The following ZP3 variants were observed in gnomAD, a reference collection of about 807,000 sequenced individuals.
ZP3 encodes the protein zona pellucida glycoprotein 3, also known as zona pellucida sperm-binding protein 3.
In ZP3, 21 loss-of-function variants were observed where a neutral mutation model predicts 35.6. The ratio of observed to expected loss-of-function variants is 0.59; its 90% CI spans 0.42 to 0.85. ZP3 has a LOEUF of 0.85. Among genes scored for constraint, ZP3 ranks in the 40% least tolerant of loss-of-function variants. The pLI, the probability that ZP3 is intolerant of heterozygous loss-of-function variation, is 0.00. For synonymous variants in ZP3, 207 were observed against 214.5 expected, an observed-to-expected ratio of 0.96 and a Z score of 0.31; for missense variants, 437 against 536.5, an observed-to-expected ratio of 0.81 and a Z score of 1.83.
chr7:76,426,128 G>A (rs1409013399), intron 1 of ZP3, among the ~76,000 whole-genome samples: 1 of 151,982 alleles, frequency 6.6e-6, no homozygotes, highest in Non-Finnish European at 1.5e-5. Context: ...ATGGGGGCGG[G>A]GGCATCATAA....
chr7:76,439,402 A>G (rs1159484872), intron 5 of ZP3, among the ~76,000 whole-genome samples: 2 of 151,988 alleles, frequency 1.3e-5, no homozygotes, highest in Admixed American at 6.6e-5. Context: ...GGGTTTAGCA[A>G]TGCTGAGTTA....
chr7:76,421,081 G>A (rs887373629), upstream of ZP3, among the ~76,000 whole-genome samples: 2 of 151,834 alleles, frequency 1.3e-5, no homozygotes, highest in Non-Finnish European at 2.9e-5. Flanking sequence ...GATTATAGGC[G>A]TGTGCCACCA....
Position 76,433,957 on chromosome 7 carries a change from C to T in ZP3, c.714-81C>T. The T allele has an allele frequency of 4.7e-6, 5 of 1,067,486 alleles. 1 individual carries two copies. Among genetic ancestry groups the T allele is most frequent in the Non-Finnish European group, 4.0e-6 (3 of 741,102 alleles). 66.1% of individuals were successfully genotyped at this position (1,067,486 alleles called of 1,614,324 possible). On this transcript the variant is annotated intron_variant, in intron 4 of 7. Transcript: ENST00000394857. ...CAAGTGATCCACCCACCTTGGCCTC[C>T]CAAAGTGCTGGGATTATGGGCGTGA...
intron 3 of ZP3, 94 bp downstream of exon 3, chr7:76,433,124 T>TTTGGTTTTGG (rs57549964): frequency 0.3 from 203,132 of 671,840 alleles, 37,536 homozygotes; most frequent in Admixed American, 0.35. Flanking sequence ...TTTGTTTGGT[T>TTTGGTTTTGG]TTGGTTTTGG....
At chr7:76,402,182 ATTTT>A (rs57389874) in intron 1 of ZP3, among the ~76,000 whole-genome samples, 2 of 127,214 alleles carry the variant, frequency 1.6e-5, no homozygotes, top group Non-Finnish European at 3.3e-5. Flanking sequence ...CTGCCCAGCT[ATTTT>A]TTTTTTTTTT....
chr7:76,417,438 A>G (rs1436663006), intron 1 of ZP3, among the ~76,000 whole-genome samples: 1 of 152,032 alleles, frequency 6.6e-6, no homozygotes, highest in Non-Finnish European at 1.5e-5. Context: ...CTTCCAGCTA[A>G]AGTCTGGAAA....
chr7:76,402,983 G>T (rs1192073061), intron 1 of ZP3, among the ~76,000 whole-genome samples: 2 of 152,150 alleles, frequency 1.3e-5, no homozygotes, highest in African/African-American at 4.8e-5. Flanking sequence ...GGTTTCTTTA[G>T]GCGAACTCAG....
chr7:76,405,815 A>T (rs1383034476), intron 1 of ZP3, among the ~76,000 whole-genome samples: 1 of 152,070 alleles, frequency 6.6e-6, no homozygotes, highest in Non-Finnish European at 1.5e-5. Context: ...GGCTCGGCCC[A>T]AACCATGACC....
At chr7:76,414,933 G>A (rs1159273512) in intron 1 of ZP3, among the ~76,000 whole-genome samples, 6 of 142,510 alleles carry the variant, frequency 4.2e-5, no homozygotes. Context: ...ATTAACATTG[G>A]CACATTAATA....
intron 1 of ZP3, chr7:76,400,182 C>T: frequency 7.8e-7 from 1 of 1,276,934 alleles, no homozygotes; most frequent in Non-Finnish European, 1.0e-6. Context: ...GCCTGATCTG[C>T]ATGGAACAGC....
At chr7:76,400,212 T>A (rs2115779301) in intron 1 of ZP3, 1 of 1,382,168 alleles carries the variant, frequency 7.2e-7, no homozygotes, top group Non-Finnish European at 9.5e-7. Context: ...GGGAAGTCCC[T>A]TCATTTATCT....
intron 1 of ZP3, among the ~76,000 whole-genome samples, chr7:76,411,484 A>T (rs921766405): frequency 6.6e-6 from 1 of 151,858 alleles, no homozygotes; most frequent in African/African-American, 2.4e-5. Context: ...TGGGAGGATG[A>T]CTTGAGCCTG....
intron 1 of ZP3, among the ~76,000 whole-genome samples, chr7:76,419,286 C>T (rs556825123): frequency 6.6e-6 from 1 of 152,262 alleles, no homozygotes; most frequent in Non-Finnish European, 1.5e-5. Context: ...CCCTGAAGAT[C>T]ATATTTTCTT....
At chr7:76,420,801 G>C (rs992338720), upstream of ZP3, among the ~76,000 whole-genome samples, 2 of 151,954 alleles carry the variant, frequency 1.3e-5, no homozygotes, top group African/African-American at 2.4e-5. Context: ...CTTTTACCCA[G>C]GTTCAGCCAA....
chr7:76,397,550 C>A, exon 1 of ZP3: 1 of 1,595,606 alleles, frequency 6.3e-7, no homozygotes, highest in South Asian at 1.1e-5. Context: ...CTCGTGGTGG[C>A]CGCAGTTGTG....
At chr7:76,437,470 CT>C (rs71521129) in intron 5 of ZP3, among the ~76,000 whole-genome samples, 27,289 of 132,772 alleles carry the variant, frequency 0.21, 415 homozygotes, top group Middle Eastern at 0.28. Context: ...ACACTCCCCT[CT>C]TTTTTTTTTT....
At chr7:76,416,483 A>G (rs1374628727) in intron 1 of ZP3, among the ~76,000 whole-genome samples, 4 of 151,922 alleles carry the variant, frequency 2.6e-5, no homozygotes, top group Non-Finnish European at 5.9e-5. Flanking sequence ...AGCTACAGTC[A>G]GGGTCACATG....
intron 1 of ZP3, among the ~76,000 whole-genome samples, chr7:76,403,132 C>G (rs1239906311): frequency 6.6e-6 from 1 of 152,216 alleles, no homozygotes; most frequent in East Asian, 1.9e-4. Flanking sequence ...CAGCCACACT[C>G]TTCTTCATCA....
At chr7:76,405,342 T>TCTTTCTTTCTTTCTTTC (rs1254961705) in intron 1 of ZP3, among the ~76,000 whole-genome samples, 1 of 85,888 alleles carries the variant, frequency 1.2e-5, no homozygotes, top group African/African-American at 4.6e-5. Context: ...TTTCTTTCTT[T>TCTTTCTTTCTTTCTTTC]TTTTTTTTTT....
Sources: allele counts gnomAD v4.1 joint callset (sites outside exome capture counted in the v4.1 genomes callset), GRCh38; gene constraint gnomAD v4.1.1; transcripts MANE v1.5; gene names NCBI Gene and HGNC (gene_info 2026-07-23, HGNC 2026-07-21).